The following PRKD3 variants were observed in gnomAD, a reference collection of about 807,000 sequenced individuals.
PRKD3 encodes the protein protein kinase D3.
Under a neutral mutation model 99.2 loss-of-function variants are expected in PRKD3, and 47 were observed. The observed-to-expected ratio is 0.47, with a 90% CI of 0.38 to 0.60. PRKD3 has a LOEUF of 0.60. Ranked by LOEUF, PRKD3 falls within the 20% of genes least tolerant of loss-of-function variation. The probability of loss-of-function intolerance (pLI) is 0.00; values close to 1 mark genes in which losing one functional copy is unlikely to be tolerated. For missense variants in PRKD3, 1,019 were observed against 1,088.4 expected (o/e 0.94, Z 0.90); for synonymous variants, 392 against 355.4 (o/e 1.10, Z -1.16).
chr2:37,283,391 T>C (rs1669944764), intron 6 of PRKD3, among the ~76,000 whole-genome samples: 1 of 152,164 alleles, frequency 6.6e-6, no homozygotes, highest in Admixed American at 6.5e-5. Flanking sequence ...CTATGAGTAA[T>C]AACTGGGTAA....
chr2:37,296,759 G>A (rs1670690456), intron 2 of PRKD3, among the ~76,000 whole-genome samples: 2 of 151,890 alleles, frequency 1.3e-5, no homozygotes, highest in Middle Eastern at 3.4e-3. Flanking sequence ...ATTTAGCCGG[G>A]CGTGGTGGCG....
intron 7 of PRKD3, among the ~76,000 whole-genome samples, chr2:37,281,289 C>A (rs572479438): frequency 6.6e-6 from 1 of 152,226 alleles, no homozygotes; most frequent in Non-Finnish European, 1.5e-5. Flanking sequence ...AACACAAATA[C>A]ATGAAGTATA....
At chr2:37,272,273 A>C (rs1302576855) in intron 12 of PRKD3, 107 bp downstream of exon 12, 1 of 1,505,890 alleles carries the variant, frequency 6.6e-7, no homozygotes, top group Non-Finnish European at 8.9e-7. Context: ...CGCAAAGTCT[A>C]GCCTAGTACT....
chr2:37,252,806 CTTGT>C lies in PRKD3; in HGVS notation c.*367_*370del, dbSNP rs1260653578. The C allele has an allele frequency of 2.7e-5, 4 of 147,062 alleles. No homozygotes were observed. The highest frequency in any genetic ancestry group is 7.0e-5 in the Admixed American group (1 of 14,294). The allele number at this position is 147,062 out of a possible 1,614,324, so 9.1% of individuals were successfully genotyped here. ...ATATAGTAACTGGATGCTAGCTTGA[CTTGT>C]TTTTCATTAAAAAAACAAACAAACA... On this transcript the variant is annotated 3_prime_UTR_variant, in exon 19 of 19. Transcript: ENST00000234179.
rs1319976987 is a variant in PRKD3, at chr2:37,317,000, G to C, written c.-476C>G. The C allele has an allele frequency of 1.3e-5, 13 of 986,874 alleles. No homozygotes were observed. The Admixed American group carries it at 7.9e-4, about 60-fold the overall frequency. The allele number at this position is 986,874 out of a possible 1,614,324, so 61.1% of individuals were successfully genotyped here. ...TACTTTTCCTTTGGTTTACTAATTT[G>C]ATAGGACACCTTCTCAAATGTCCAC... On this transcript the variant is annotated 5_prime_UTR_variant, in exon 2 of 19. In the 5' UTR this introduces an upstream ATG that the reference lacks. Coordinates refer to ENST00000234179, the MANE Select transcript of PRKD3 (RefSeq NM_005813.6).
chr2:37,284,414 G>A (rs1440680264), intron 6 of PRKD3, among the ~76,000 whole-genome samples: 1 of 152,038 alleles, frequency 6.6e-6, no homozygotes, highest in Non-Finnish European at 1.5e-5. Context: ...AAATTCATTT[G>A]TATTTATTTT....
intron 2 of PRKD3, among the ~76,000 whole-genome samples, chr2:37,297,835 C>A (rs1194166072): frequency 6.6e-6 from 1 of 152,192 alleles, no homozygotes; most frequent in Non-Finnish European, 1.5e-5. Context: ...GACATCACCA[C>A]TGATGTTGGT....
rs1478668293 is a variant in PRKD3 at position 37,292,935 on chromosome 2, C to T, written c.427+198G>A. ...TGCTGGGCTTACAGGTGTGAGCCAC[C>T]GTTGCCAGGTATTTTTCTTTCTTAA... On this transcript the variant is annotated intron_variant, in intron 3 of 18. Coordinates refer to ENST00000234179, the MANE Select transcript of PRKD3 (RefSeq NM_005813.6). 10 of 484,356 alleles carry T rather than the reference C, an allele frequency of 2.1e-5. 1 individual carries two copies. In the South Asian group the frequency reaches 3.8e-4, roughly 19 times the overall value. The allele number at this position is 484,356 out of a possible 1,614,324, so 30.0% of individuals were successfully genotyped here. A position where few individuals can be genotyped will look rare whatever the true frequency, so the allele number is the denominator to read the frequency against.
In PRKD3 at chr2:37,252,044, T is replaced by C. The variant is rs535343510; in HGVS notation, c.*1133A>G. The C allele has an allele frequency of 1.3e-5, 2 of 152,306 alleles. No homozygotes were observed. The highest frequency in any genetic ancestry group is 3.9e-4 in the East Asian group (2 of 5,192). The allele number at this position is 152,306 out of a possible 1,614,324, so 9.4% of individuals were successfully genotyped here. On this transcript the variant is annotated 3_prime_UTR_variant, in exon 19 of 19. Coordinates refer to ENST00000234179, the MANE Select transcript of PRKD3 (RefSeq NM_005813.6). ...ATGTAAAAAGAAGTACTTCTTTCATTCTTTAATTTGCTGTGCTGATAATAC... is the reference window on the plus strand; with the variant it reads ...ATGTAAAAAGAAGTACTTCTTTCATCCTTTAATTTGCTGTGCTGATAATAC...
Position 37,259,696 on chromosome 2 carries a change from G to C in PRKD3, c.2047-15C>G, listed in dbSNP as rs1211030924. On this transcript the variant is annotated splice_polypyrimidine_tract_variant and intron_variant, in intron 15 of 18. Transcript: ENST00000234179. ...GCAACAAGTATCTGTTATGAAAAAAGATTTTCTTTTCAATGTCTGGAAAAT... is the reference window on the plus strand; with the variant it reads ...GCAACAAGTATCTGTTATGAAAAAACATTTTCTTTTCAATGTCTGGAAAAT... 1.9e-6 allele frequency: 3 copies of C among 1,571,634 alleles called. No homozygotes were observed. Among genetic ancestry groups the C allele is most frequent in the Non-Finnish European group, 8.7e-7 (1 of 1,144,854 alleles).
intron 2 of PRKD3, among the ~76,000 whole-genome samples, chr2:37,304,196 T>TAAAAAAAAAAAAAAAAAA (rs70949750): frequency 1.1e-5 from 1 of 93,972 alleles, no homozygotes; most frequent in Non-Finnish European, 2.1e-5. Context: ...AGGTACTTAC[T>TAAAAAAAAAAAAAAAAAA]AAAAAAAAAA....
At position 37,282,356 on chromosome 2, in the gene PRKD3, G is replaced by A. The variant is rs1374018972; in HGVS notation, c.988+186C>T. The A allele has an allele frequency of 7.2e-5, 39 of 540,326 alleles. No individual in the cohort carries two copies. The East Asian group carries it at 8.4e-4, about 12-fold the overall frequency. The allele number at this position is 540,326 out of a possible 1,614,324, so 33.5% of individuals were successfully genotyped here. ...AGTAACAGGTGGCCAGAGGAAAGAC[G>A]GGAAGGCGTGATTACTAATAAATGT... On this transcript the variant is annotated intron_variant, in intron 7 of 18. Transcript: ENST00000234179.
chr2:37,277,278 A>T (rs940819843), intron 9 of PRKD3, among the ~76,000 whole-genome samples: 2 of 152,180 alleles, frequency 1.3e-5, no homozygotes, highest in African/African-American at 4.8e-5. Flanking sequence ...ATTTTACACA[A>T]GGAAACAAAA....
chr2:37,318,166 T>A (rs959192281), intron 1 of PRKD3, among the ~76,000 whole-genome samples: 1 of 151,932 alleles, frequency 6.6e-6, no homozygotes, highest in African/African-American at 2.4e-5. Flanking sequence ...AGGAAGAACG[T>A]GACAGAAGGG....
chr2:37,267,557 G>A, intron 13 of PRKD3, 21 bp from the exon 14 acceptor site: 1 of 1,542,132 alleles, frequency 6.5e-7, no homozygotes. Context: ...AAAAAGAAGA[G>A]GAACGAATGA....
Position 37,251,149 on chromosome 2 carries a change from G to C in PRKD3, c.*2028C>G, listed in dbSNP as rs1248564956. ...GTGTGTGTTGATATAAACAGACTTT[G>C]GTGAAACTGGGAAGTCATCCTCTAT... On this transcript the variant is annotated 3_prime_UTR_variant, in exon 19 of 19. Coordinates refer to ENST00000234179, the MANE Select transcript of PRKD3 (RefSeq NM_005813.6). 1 of 152,414 alleles carries C rather than the reference G, an allele frequency of 6.6e-6. No homozygotes were observed. The highest frequency in any genetic ancestry group is 1.5e-5 in the Non-Finnish European group (1 of 67,990). The allele number at this position is 152,414 out of a possible 1,614,324, so 9.4% of individuals were successfully genotyped here. A position where few individuals can be genotyped will look rare whatever the true frequency, so the allele number is the denominator to read the frequency against.
At position 37,272,580 on chromosome 2, in the gene PRKD3, C is replaced by G. The variant is rs562859979; in HGVS notation, c.1652-148G>C. 4.6e-5 allele frequency: 46 copies of G among 1,009,836 alleles called. No homozygotes were observed. The African/African-American group carries it at 7.4e-4, about 16-fold the overall frequency. The allele number at this position is 1,009,836 out of a possible 1,614,324, so 62.6% of individuals were successfully genotyped here. A position where few individuals can be genotyped will look rare whatever the true frequency, so the allele number is the denominator to read the frequency against. On this transcript the variant is annotated intron_variant, in intron 11 of 18. Coordinates refer to ENST00000234179, the MANE Select transcript of PRKD3 (RefSeq NM_005813.6). Reference sequence around the variant, plus strand: ...CATTAACAAAATCTACACATACAACCCATCAACAGGAAACTAGATAAAATA... The same window carrying G: ...CATTAACAAAATCTACACATACAACGCATCAACAGGAAACTAGATAAAATA...
chr2:37,323,837 A>C (rs1462722266), intron 1 of PRKD3, among the ~76,000 whole-genome samples: 10 of 152,176 alleles, frequency 6.6e-5, no homozygotes, highest in African/African-American at 2.4e-4. Flanking sequence ...TGACACCGAT[A>C]GTCTTATTTC....
rs10460527 is a variant in PRKD3, at chr2:37,277,962, T to G, written c.1200A>C (p.Leu400=). The G allele has an allele frequency of 0.13, 204,883 of 1,608,308 alleles. 16,910 individuals are homozygous for G. Among genetic ancestry groups the G allele is most frequent in the Admixed American group, 0.35 (20,710 of 59,716 alleles). The change falls in exon 9 of 19, where the codon CTA becomes CTC. Residue 400 remains leucine (L), a synonymous_variant. Transcript: ENST00000234179. ...GCTTGATGGATTGTACAACCCTCAT[T>G]AGCGGAATATTATTGCTTGTTGATG... The part of the protein sequence containing the change: ...ISPSTSNNIP[L]MRVVQSIKHT...
Sources: allele counts gnomAD v4.1 joint callset (sites outside exome capture counted in the v4.1 genomes callset), GRCh38; gene constraint gnomAD v4.1.1; transcripts MANE v1.5; gene names NCBI Gene and HGNC (gene_info 2026-07-23, HGNC 2026-07-21).